Variants in DOK5 observed in about 807,000 individuals in gnomAD.
DOK5 encodes the protein downstream of tyrosine kinase 5.
A neutral mutation model predicts 43.3 loss-of-function variants in DOK5; 27 were observed. That is an observed-to-expected ratio of 0.62 (90% confidence interval 0.46 to 0.86). DOK5 has a LOEUF of 0.86. DOK5 is among the 40% of genes least tolerant of loss of function. The pLI, the probability that DOK5 is intolerant of heterozygous loss-of-function variation, is 0.00. For missense variants in DOK5, 373 were observed against 392.9 expected, an observed-to-expected ratio of 0.95 and a Z score of 0.43; for synonymous variants, 146 against 140.1, an observed-to-expected ratio of 1.04 and a Z score of -0.30.
intron 2 of DOK5, among the ~76,000 whole-genome samples, chr20:54,586,131 AC>A (rs1985796979): frequency 6.6e-6 from 1 of 152,132 alleles, no homozygotes; most frequent in Admixed American, 6.5e-5. Context: ...TAAACTAGGC[AC>A]GTTATGTGGC....
At chr20:54,575,839 T>G (rs573199945) in intron 2 of DOK5, among the ~76,000 whole-genome samples, 1 of 152,344 alleles carries the variant, frequency 6.6e-6, no homozygotes, top group African/African-American at 2.4e-5. Context: ...CACATGCATG[T>G]GAACACTCAT....
chr20:54,483,121 G>A (rs2057432091), intron 1 of DOK5, among the ~76,000 whole-genome samples: 1 of 152,206 alleles, frequency 6.6e-6, no homozygotes, highest in African/African-American at 2.4e-5. Flanking sequence ...TGTGCATAAA[G>A]TCAGCCTTTA....
At chr20:54,551,612 C>A (rs1413171641) in intron 1 of DOK5, among the ~76,000 whole-genome samples, 4 of 152,116 alleles carry the variant, frequency 2.6e-5, no homozygotes, top group Non-Finnish European at 5.9e-5. Flanking sequence ...GATTTTTCCA[C>A]CCCCCTCCAT....
chr20:54,503,392 T>C (rs1982684450), intron 1 of DOK5, among the ~76,000 whole-genome samples: 1 of 152,208 alleles, frequency 6.6e-6, no homozygotes, highest in African/African-American at 2.4e-5. Context: ...AGTCACAAAG[T>C]GGACCTGGCC....
chr20:54,492,714 G>GTGTGTGTGTT (rs1982234198), intron 1 of DOK5, among the ~76,000 whole-genome samples: 1 of 151,778 alleles, frequency 6.6e-6, no homozygotes, highest in African/African-American at 2.4e-5. Flanking sequence ...GTGTGTGTGT[G>GTGTGTGTGTT]TGTGTGTGTT....
chr20:54,575,471 C>T (rs1358186192), intron 2 of DOK5, among the ~76,000 whole-genome samples: 9 of 152,166 alleles, frequency 5.9e-5, no homozygotes, highest in African/African-American at 1.9e-4. Context: ...GACAGAGTCT[C>T]GCTCTGTCAC....
At chr20:54,621,283 G>A (rs1986968499) in intron 6 of DOK5, among the ~76,000 whole-genome samples, 1 of 150,912 alleles carries the variant, frequency 6.6e-6, no homozygotes. Flanking sequence ...TTTAAATCAT[G>A]GCTATATAAT....
chr20:54,613,115 G>T (rs951263370), intron 6 of DOK5, among the ~76,000 whole-genome samples: 4 of 152,040 alleles, frequency 2.6e-5, no homozygotes, highest in African/African-American at 9.7e-5. Flanking sequence ...GGTCCAGATT[G>T]ATCCTAGCAA....
chr20:54,639,107 G>A (rs1299691477), intron 6 of DOK5, among the ~76,000 whole-genome samples: 3 of 152,210 alleles, frequency 2.0e-5, no homozygotes, highest in Non-Finnish European at 4.4e-5. Flanking sequence ...TAGAAGGAGT[G>A]AAATTGTAAC....
intron 7 of DOK5, among the ~76,000 whole-genome samples, chr20:54,649,923 A>T (rs988293015): frequency 6.6e-5 from 10 of 152,224 alleles, no homozygotes; most frequent in Non-Finnish European, 1.2e-4. Context: ...AAGGGGGCTA[A>T]TAGGGATCTT....
At chr20:54,502,101 C>T (rs1042661647) in intron 1 of DOK5, among the ~76,000 whole-genome samples, 6 of 152,278 alleles carry the variant, frequency 3.9e-5, no homozygotes, top group Admixed American at 1.3e-4. Flanking sequence ...ACTGACAGAA[C>T]GTGCATCTCT....
chr20:54,628,130 C>G (rs956240146), intron 6 of DOK5, among the ~76,000 whole-genome samples: 1 of 152,128 alleles, frequency 6.6e-6, no homozygotes, highest in African/African-American at 2.4e-5. Flanking sequence ...TGTGTTAGCA[C>G]TATATGTTCA....
In DOK5 at chr20:54,475,995, CG is replaced by C; in HGVS notation, c.51del (p.Ser18AlafsTer12). ...DIVKQGYVRI[R>X]SRRLGIYQRC... ...AGTGAAGCAAGGGTACGTGAGGATC[CG>C]GAGCAGACGCCTCGGGGTGAGTATC... On this transcript the variant is annotated frameshift_variant, in exon 1 of 8. Transcript: ENST00000262593. LOFTEE classifies it high-confidence loss of function. This position sits in a 1 kb window ranked among gnomAD's most constrained non-coding sequence, Gnocchi z 4.2. 1 of 1,613,416 alleles carries C rather than the reference CG, an allele frequency of 6.2e-7. No individual in the cohort carries two copies.
chr20:54,538,384 G>A (rs1984028622), intron 1 of DOK5, among the ~76,000 whole-genome samples: 1 of 152,000 alleles, frequency 6.6e-6, no homozygotes, highest in Non-Finnish European at 1.5e-5. Context: ...TGTCCTTCAG[G>A]AATGAAGGGG....
At chr20:54,490,342 A>G (rs1449593298) in intron 1 of DOK5, among the ~76,000 whole-genome samples, 1 of 152,210 alleles carries the variant, frequency 6.6e-6, no homozygotes, top group African/African-American at 2.4e-5. Flanking sequence ...ACATATATAC[A>G]TATACATACG....
At chr20:54,505,206 T>G (rs963613532) in intron 1 of DOK5, among the ~76,000 whole-genome samples, 2 of 152,156 alleles carry the variant, frequency 1.3e-5, no homozygotes, top group Non-Finnish European at 2.9e-5. Flanking sequence ...GAGGATTAAA[T>G]CAGGGGTTGG....
chr20:54,492,728 GGATCAGAGGTAA>G, intron 1 of DOK5, among the ~76,000 whole-genome samples: 2 of 148,404 alleles, frequency 1.3e-5, no homozygotes, highest in East Asian at 3.9e-4. Context: ...GTGTGTTTTA[GGATCAGAGGTAA>G]CAGAGAGAAC....
intron 2 of DOK5, among the ~76,000 whole-genome samples, chr20:54,579,666 T>C (rs1985572898): frequency 6.6e-6 from 1 of 152,208 alleles, no homozygotes; most frequent in Non-Finnish European, 1.5e-5. Context: ...ATTTGTCCTT[T>C]CGTGATTGTC....
At chr20:54,490,710 C>T (rs1219694042) in intron 1 of DOK5, among the ~76,000 whole-genome samples, 4 of 152,150 alleles carry the variant, frequency 2.6e-5, no homozygotes, top group Admixed American at 6.5e-5. Flanking sequence ...CTCAGCCTCC[C>T]GAGTAAGTAG....
Sources: allele counts gnomAD v4.1 joint callset (sites outside exome capture counted in the v4.1 genomes callset), GRCh38; gene constraint gnomAD v4.1.1; non-coding constraint Gnocchi (gnomAD v3.1); transcripts MANE v1.5; gene names NCBI Gene and HGNC (gene_info 2026-07-23, HGNC 2026-07-21).